Variants in HNRNPA2B1 observed in about 807,000 individuals in gnomAD.
HNRNPA2B1 encodes heterogeneous nuclear ribonucleoproteins A2/B1.
Under a neutral mutation model 46.3 loss-of-function variants are expected in HNRNPA2B1, and 3 were observed. That is an observed-to-expected ratio of 0.06 (90% CI 0.03 to 0.17). HNRNPA2B1 has a LOEUF of 0.17. Ranked by LOEUF, HNRNPA2B1 falls within the 10% of genes least tolerant of loss-of-function variation. The pLI is 1.00. For synonymous variants in HNRNPA2B1, 225 were observed against 133.8 expected (o/e 1.68, Z -4.70); for missense variants, 221 against 418.9 (o/e 0.53, Z 4.12).
At chr7:26,200,176 G>A (rs774881592) in intron 1 of HNRNPA2B1, 3 of 246,776 alleles carry the variant, frequency 1.2e-5, no homozygotes, top group African/African-American at 4.5e-5. Context: ...GAGGGGGAGG[G>A]GAAGCTCCGC....
intron 7 of HNRNPA2B1, among the ~76,000 whole-genome samples, chr7:26,194,756 C>G (rs1783324586): frequency 6.7e-6 from 1 of 148,198 alleles, no homozygotes; most frequent in Admixed American, 6.7e-5. Flanking sequence ...GAAGTGCGGA[C>G]ATAAACAAAA....
At chr7:26,193,804 G>T (rs1236227382) in intron 7 of HNRNPA2B1, 110 bp from the exon 8 acceptor site, 1 of 961,278 alleles carries the variant, frequency 1.0e-6, no homozygotes, top group East Asian at 2.7e-5. Context: ...AATATTTAAT[G>T]AAATTCCTCT....
chr7:26,199,547 A>G (rs1424701873), intron 1 of HNRNPA2B1: 1 of 152,216 alleles, frequency 6.6e-6, no homozygotes, highest in Non-Finnish European at 1.5e-5. Context: ...ACTTCTCAGT[A>G]ACAACATTAC....
chr7:26,193,430 C>G, intron 8 of HNRNPA2B1, 57 bp from the exon 9 acceptor site: 2 of 1,557,354 alleles, frequency 1.3e-6, no homozygotes, highest in Non-Finnish European at 1.7e-6. Flanking sequence ...GGACTTAGGA[C>G]AAAGCTCCCA....
intron 7 of HNRNPA2B1, among the ~76,000 whole-genome samples, chr7:26,194,457 G>A (rs112584814): frequency 0.022 from 3,384 of 152,090 alleles, 135 homozygotes; most frequent in African/African-American, 0.076. Context: ...CCAGCAGTAC[G>A]GGAAGTTGAG....
Position 26,191,477 on chromosome 7 carries a change from T to C in HNRNPA2B1, c.*883A>G, listed in dbSNP as rs1425037480. 6.6e-6 allele frequency: 1 copy of C among 152,194 alleles called. No individual in the cohort carries two copies. Among genetic ancestry groups the C allele is most frequent in the Non-Finnish European group, 1.5e-5 (1 of 68,006 alleles). 9.4% of individuals were successfully genotyped at this position (152,194 alleles called of 1,614,324 possible). A position where few individuals can be genotyped will look rare whatever the true frequency, so the allele number is the denominator to read the frequency against. ...TTTTGCTCTACACCCTCAGCTTTCG[T>C]TGGCATCCTTATAAACTACTGTAGT... On this transcript the variant is annotated 3_prime_UTR_variant, in exon 11 of 11. Transcript: ENST00000618183.
intron 1 of HNRNPA2B1, chr7:26,197,933 C>CAGTG: frequency 8.8e-7 from 1 of 1,131,124 alleles, no homozygotes; most frequent in Non-Finnish European, 1.2e-6. Context: ...AGTTGTGTTA[C>CAGTG]ACCAAAAAAT....
In HNRNPA2B1 at chr7:26,191,305, C is replaced by T. The variant is rs1373742876; in HGVS notation, c.*1055G>A. ...TCTCTTGAGTTTATAAATTGTTAAACTCAATTTATAGCTATGTTAAACTAC... is the reference window on the plus strand; with the variant it reads ...TCTCTTGAGTTTATAAATTGTTAAATTCAATTTATAGCTATGTTAAACTAC... On this transcript the variant is annotated 3_prime_UTR_variant, in exon 11 of 11. Transcript: ENST00000618183. 6.6e-6 allele frequency: 1 copy of T among 152,044 alleles called. No individual in the cohort carries two copies. Among genetic ancestry groups the T allele is most frequent in the Non-Finnish European group, 1.5e-5 (1 of 67,990 alleles). The allele number at this position is 152,044 out of a possible 1,614,324, so 9.4% of individuals were successfully genotyped here.
chr7:26,193,735 C>T, intron 7 of HNRNPA2B1, 41 bp from the exon 8 acceptor site: 2 of 1,554,108 alleles, frequency 1.3e-6, no homozygotes, highest in Non-Finnish European at 1.8e-6. Context: ...TTAATATTTT[C>T]AATACCATTT....
chr7:26,197,274 GTTC>G, intron 3 of HNRNPA2B1, 38 bp downstream of exon 3: 1 of 1,556,882 alleles, frequency 6.4e-7, no homozygotes. Flanking sequence ...GCAGGGCAGC[GTTC>G]TTCATGTTAA....
rs1193687794 is a variant in HNRNPA2B1, at chr7:26,190,073, ATATT to A, written c.*2283_*2286del. On this transcript the variant is annotated 3_prime_UTR_variant, in exon 11 of 11. Coordinates refer to ENST00000618183, the MANE Select transcript of HNRNPA2B1 (RefSeq NM_002137.4). Reference sequence around the variant, plus strand: ...GGATGGTGATCTTTTAGACAACCAAATATTTATAGAACAAGATTCACACATTTTA... The same window carrying A: ...GGATGGTGATCTTTTAGACAACCAAATATAGAACAAGATTCACACATTTTA... 1 of 152,620 alleles carries A rather than the reference ATATT, an allele frequency of 6.6e-6. No homozygotes were observed. The highest frequency in any genetic ancestry group is 1.9e-4 in the East Asian group (1 of 5,204). The allele number at this position is 152,620 out of a possible 1,614,324, so 9.5% of individuals were successfully genotyped here. A position where few individuals can be genotyped will look rare whatever the true frequency, so the allele number is the denominator to read the frequency against.
exon 1 of HNRNPA2B1, chr7:26,200,743 TACTGCC>T: frequency 1.2e-6 from 1 of 833,770 alleles, no homozygotes; most frequent in Admixed American, 1.9e-5. Flanking sequence ...GCGCTGCTGC[TACTGCC>T]GCTAGAGCCG....
In HNRNPA2B1 at chr7:26,191,171, A is replaced by G. The variant is rs917895324; in HGVS notation, c.*1189T>C. 6.6e-6 allele frequency: 1 copy of G among 151,980 alleles called. No homozygotes were observed. The highest frequency in any genetic ancestry group is 1.5e-5 in the Non-Finnish European group (1 of 67,868). The allele number at this position is 151,980 out of a possible 1,614,324, so 9.4% of individuals were successfully genotyped here. On this transcript the variant is annotated 3_prime_UTR_variant, in exon 11 of 11. Coordinates refer to ENST00000618183, the MANE Select transcript of HNRNPA2B1 (RefSeq NM_002137.4). ...AAAAAAATGATATGTTAAGCACCCA[A>G]ATCTTCACATGGAGGGGGAGGGGGT... is the stretch of plus-strand genomic sequence containing the variant.
At chr7:26,198,940 T>C (rs1018269344) in intron 1 of HNRNPA2B1, 4 of 152,248 alleles carry the variant, frequency 2.6e-5, no homozygotes. Context: ...CAGATTTTTT[T>C]CCTGTAGTTT....
chr7:26,197,145 G>A (rs1212896212), intron 3 of HNRNPA2B1, 128 bp from the exon 4 acceptor site: 10 of 1,109,566 alleles, frequency 9.0e-6, no homozygotes, highest in African/African-American at 6.3e-5. Flanking sequence ...ATAGCTTTTA[G>A]GGACCTAGCT....
At chr7:26,196,050 C>A in intron 6 of HNRNPA2B1, 141 bp from the exon 7 acceptor site, 1 of 1,214,790 alleles carries the variant, frequency 8.2e-7, no homozygotes, top group Non-Finnish European at 1.1e-6. Context: ...AGTTTACCCA[C>A]AAAACATGAA....
chr7:26,195,161 GTAGT>G (rs1304739968), intron 7 of HNRNPA2B1, among the ~76,000 whole-genome samples: 1 of 138,286 alleles, frequency 7.2e-6, no homozygotes, highest in East Asian at 2.2e-4. Flanking sequence ...TCTCTAACTT[GTAGT>G]TAAATACAAG....
rs1223097353 is a variant in HNRNPA2B1 at position 26,190,547 on chromosome 7, AAAG to A, written c.*1810_*1812del. 5.3e-5 allele frequency: 8 copies of A among 152,278 alleles called. No individual in the cohort carries two copies. Among genetic ancestry groups the A allele is most frequent in the African/African-American group, 1.7e-4 (7 of 41,456 alleles). The allele number at this position is 152,278 out of a possible 1,614,324, so 9.4% of individuals were successfully genotyped here. ...CAACTTCAGTGGTGGTCTTAGGATC[AAAG>A]AAGACTCATTGGTGTATAGAGTAAG... is the stretch of plus-strand genomic sequence containing the variant. On this transcript the variant is annotated 3_prime_UTR_variant, in exon 11 of 11. Transcript: ENST00000618183.
At position 26,196,681 on chromosome 7, in the gene HNRNPA2B1, C is replaced by T. The variant is rs368581359; in HGVS notation, c.476-23G>A. On this transcript the variant is annotated intron_variant, in intron 4 of 10. Transcript: ENST00000618183. Reference sequence around the variant, plus strand: ...GCACTGGAATGAAAAATTCAGACTCCTTTTAAATTAAATCAACAATATTAA... The same window carrying T: ...GCACTGGAATGAAAAATTCAGACTCTTTTTAAATTAAATCAACAATATTAA... 8.1e-6 allele frequency: 13 copies of T among 1,595,552 alleles called. No homozygotes were observed. In the African/African-American group the frequency reaches 1.8e-4, roughly 21 times the overall value.
Sources: gnomAD v4.1 joint callset for allele counts (sites outside exome capture counted in the v4.1 genomes callset) on GRCh38, gnomAD v4.1.1 for gene constraint, MANE v1.5 for transcripts, NCBI Gene and HGNC (gene_info 2026-07-23, HGNC 2026-07-21) for gene names.